ASB4: variants seen among roughly 807,000 people sequenced by gnomAD.
The protein encoded by ASB4 is ankyrin repeat and SOCS box protein 4.
A neutral mutation model predicts 38.6 loss-of-function variants in ASB4; 35 were observed. The observed-to-expected ratio is 0.91, with a 90% CI of 0.69 to 1.20. The LOEUF is 1.20. Ranked by LOEUF, ASB4 falls within the 50% of genes most tolerant of loss-of-function variation. ASB4 has a pLI of 0.00. For missense variants in ASB4, 557 were observed against 527.2 expected (o/e 1.06, Z -0.55); for synonymous variants, 195 against 201.3 (o/e 0.97, Z 0.26).
At chr7:95,516,285 A>G (rs1031682300) in intron 2 of ASB4, among the ~76,000 whole-genome samples, 1 of 152,190 alleles carries the variant, frequency 6.6e-6, no homozygotes, top group African/African-American at 2.4e-5. Context: ...TACATATTCC[A>G]AAGTCTGAGT....
chr7:95,485,832 G>A (rs1012079779), upstream of ASB4: 21 of 649,026 alleles, frequency 3.2e-5, no homozygotes, highest in African/African-American at 3.6e-4. Flanking sequence ...AGTTTGAAAT[G>A]ATCCCTATAT....
chr7:95,507,851 T>C (rs886276130), intron 2 of ASB4, among the ~76,000 whole-genome samples: 4 of 152,014 alleles, frequency 2.6e-5, no homozygotes, highest in African/African-American at 4.8e-5. Context: ...AGAGATCCAG[T>C]AAGTTGAGAG....
chr7:95,491,653 T>C (rs1346763276), intron 1 of ASB4, among the ~76,000 whole-genome samples: 1 of 152,182 alleles, frequency 6.6e-6, no homozygotes, highest in Non-Finnish European at 1.5e-5. Context: ...TGGTTATATT[T>C]TGGGGGACAA....
intron 3 of ASB4, among the ~76,000 whole-genome samples, chr7:95,531,794 C>G (rs924452643): frequency 6.6e-6 from 1 of 152,160 alleles, no homozygotes; most frequent in Non-Finnish European, 1.5e-5. Flanking sequence ...AACATGTGCT[C>G]TTGGTCCAGC....
At chr7:95,478,866 T>C (rs542988054) in intron 1 of ASB4, among the ~76,000 whole-genome samples, 1 of 152,288 alleles carries the variant, frequency 6.6e-6, no homozygotes, top group South Asian at 2.1e-4. Context: ...CAGTATGTAA[T>C]TACAATTGAG....
At chr7:95,498,737 A>C (rs1015587499) in intron 2 of ASB4, among the ~76,000 whole-genome samples, 2 of 152,124 alleles carry the variant, frequency 1.3e-5, no homozygotes, top group South Asian at 4.1e-4. Context: ...CTAGCAAAAA[A>C]TTTGTTTCAT....
intron 2 of ASB4, among the ~76,000 whole-genome samples, chr7:95,515,217 CT>C (rs752644523): frequency 8.8e-6 from 1 of 113,540 alleles, no homozygotes; most frequent in South Asian, 2.7e-4. Flanking sequence ...TTCTTTCTTT[CT>C]TTCTTTCTTT....
chr7:95,489,598 T>C (rs1461081296), intron 1 of ASB4, among the ~76,000 whole-genome samples: 4 of 152,194 alleles, frequency 2.6e-5, no homozygotes, highest in Non-Finnish European at 2.9e-5. Context: ...CTGGTTGGCA[T>C]TTGAGAGACC....
rs757029594 is a variant in ASB4, at chr7:95,537,758, A to T, written c.1280A>T (p.Ter427LeuextTer3). 9.1e-5 allele frequency: 147 copies of T among 1,612,674 alleles called. 1 individual carries two copies. Among genetic ancestry groups the T allele is most frequent in the Non-Finnish European group, 1.1e-4 (135 of 1,179,110 alleles). The stretch of plus-strand genomic sequence containing the variant: ...TTAGAGCCAGAGGGAATTATTTATT[A>T]AGCCTTATGAGACAGCAGTTCCCAA... ...LLLEPEGIIY[*>L] Residue 427 changes from the stop codon to leucine, a stop_lost, in exon 5 of 5, where the codon TAA (stop) becomes TTA (leucine). Coordinates refer to ENST00000325885, the MANE Select transcript of ASB4 (RefSeq NM_016116.3).
At chr7:95,514,047 C>T (rs1790521903) in intron 2 of ASB4, among the ~76,000 whole-genome samples, 1 of 152,214 alleles carries the variant, frequency 6.6e-6, no homozygotes, top group African/African-American at 2.4e-5. Flanking sequence ...CACATGATCT[C>T]ATCCTTGGTC....
chr7:95,550,937 T>G, the ASB4 span, among the ~76,000 whole-genome samples: 16 of 152,134 alleles, frequency 1.1e-4, no homozygotes, highest in Non-Finnish European at 1.9e-4. Context: ...GCTCTAAAAT[T>G]AAATATTTAC....
In ASB4 at chr7:95,535,333, T is replaced by G. The variant is rs573090038; in HGVS notation, c.979-1104T>G. Among the ~76,000 whole-genome samples, 86 of 152,336 alleles carry G rather than the reference T, an allele frequency of 5.6e-4. 1 individual carries two copies. The highest frequency in any genetic ancestry group is 2.0e-3 in the African/African-American group (83 of 41,566). Reference sequence around the variant, plus strand: ...AGGAAGAAATGTCTTTGGAGAAAGTTGTTTAAGTGCAGAGGCATGCCTCTC... The same window carrying G: ...AGGAAGAAATGTCTTTGGAGAAAGTGGTTTAAGTGCAGAGGCATGCCTCTC... On this transcript the variant is annotated intron_variant, in intron 3 of 4. Transcript: ENST00000325885.
At chr7:95,506,825 T>G (rs73711333) in intron 2 of ASB4, among the ~76,000 whole-genome samples, 3,861 of 152,084 alleles carry the variant, frequency 0.025, 162 homozygotes, top group African/African-American at 0.088. Context: ...GTTCCTGAAT[T>G]ATTTCCTGGG....
At chr7:95,503,261 C>G (rs1340117957) in intron 2 of ASB4, among the ~76,000 whole-genome samples, 1 of 152,168 alleles carries the variant, frequency 6.6e-6, no homozygotes, top group East Asian at 1.9e-4. Flanking sequence ...AATCAGATCA[C>G]TGGGTAAAAT....
chr7:95,474,806 G>A (rs181821599), upstream of ASB4, among the ~76,000 whole-genome samples: 139 of 152,302 alleles, frequency 9.1e-4, no homozygotes, highest in Non-Finnish European at 4.0e-4. Context: ...TATGGCATGA[G>A]CCACCATGCC....
At chr7:95,524,022 A>G (rs1790699515) in intron 2 of ASB4, among the ~76,000 whole-genome samples, 1 of 152,206 alleles carries the variant, frequency 6.6e-6, no homozygotes, top group African/African-American at 2.4e-5. Context: ...TACAATGAGA[A>G]ACCCTCACCC....
chr7:95,537,926 AAAG>A lies in ASB4; in HGVS notation c.*174_*176del, dbSNP rs1790918636. 2 of 598,272 alleles carry A rather than the reference AAAG, an allele frequency of 3.3e-6. No homozygotes were observed. The highest frequency in any genetic ancestry group is 5.0e-5 in the South Asian group (2 of 39,768). 37.1% of individuals were successfully genotyped at this position (598,272 alleles called of 1,614,324 possible). A position where few individuals can be genotyped will look rare whatever the true frequency, so the allele number is the denominator to read the frequency against. On this transcript the variant is annotated 3_prime_UTR_variant, in exon 5 of 5. Coordinates refer to ENST00000325885, the MANE Select transcript of ASB4 (RefSeq NM_016116.3). ...CTAGAATATCATGGTATGGGGAAAT[AAAG>A]AAGAAGTAAAGTTAAGGAATTTTCA... is the stretch of plus-strand genomic sequence containing the variant.
At position 95,514,531 on chromosome 7, in the gene ASB4, T is replaced by C. The variant is rs770471618; in HGVS notation, c.488-13282T>C. Among the ~76,000 whole-genome samples the C allele has an allele frequency of 3.8e-4, 58 of 152,246 alleles. No homozygotes were observed. In the East Asian group the frequency reaches 3.9e-3, roughly 10 times the overall value. ...CCCCTCCAAGAGTTAGAGGAAGAGG[T>C]TGACTGACATGTTCAGTGTCTGGCT... On this transcript the variant is annotated intron_variant, in intron 2 of 4. Transcript: ENST00000325885.
chr7:95,509,023 A>T (rs1297797795), intron 2 of ASB4, among the ~76,000 whole-genome samples: 1 of 152,234 alleles, frequency 6.6e-6, no homozygotes, highest in East Asian at 1.9e-4. Context: ...GGAGAAAGTC[A>T]CTGAAGTGAA....
Sources: allele counts gnomAD v4.1 joint callset (sites outside exome capture counted in the v4.1 genomes callset), GRCh38; gene constraint gnomAD v4.1.1; transcripts MANE v1.5; gene names NCBI Gene and HGNC (gene_info 2026-07-23, HGNC 2026-07-21).